NSUN2: variants seen among roughly 807,000 people sequenced by gnomAD.
NSUN2 encodes RNA cytosine C(5)-methyltransferase NSUN2.
A neutral mutation model predicts 92.7 loss-of-function variants in NSUN2; 63 were observed. The ratio of observed to expected loss-of-function variants is 0.68; its 90% CI spans 0.56 to 0.84. The LOEUF (loss-of-function observed/expected upper bound fraction) is 0.84. NSUN2 is among the 40% of genes least tolerant of loss of function. The pLI, the probability that NSUN2 is intolerant of heterozygous loss-of-function variation, is 0.00. For missense variants in NSUN2, 989 were observed against 964.9 expected (o/e 1.02, Z -0.33); for synonymous variants, 356 against 348.3 (o/e 1.02, Z -0.25).
chr5:6,613,311 T>C (rs1737077453), intron 9 of NSUN2, among the ~76,000 whole-genome samples: 3 of 152,190 alleles, frequency 2.0e-5, no homozygotes, highest in Admixed American at 2.0e-4. Flanking sequence ...AGAGGAAAAG[T>C]TGCAAAAAGC....
intron 9 of NSUN2, among the ~76,000 whole-genome samples, chr5:6,614,384 C>A (rs953806662): frequency 6.6e-6 from 1 of 152,146 alleles, no homozygotes; most frequent in African/African-American, 2.4e-5. Context: ...ATCCTGATCA[C>A]CAGCATTCCC....
chr5:6,629,262 C>T (rs1737773090), intron 3 of NSUN2, among the ~76,000 whole-genome samples: 1 of 152,200 alleles, frequency 6.6e-6, no homozygotes, highest in Non-Finnish European at 1.5e-5. Context: ...GTCATATACC[C>T]AGACACATTG....
At chr5:6,606,964 T>A (rs1170116641) in intron 13 of NSUN2, 52 bp from the exon 14 acceptor site, 4 of 1,141,338 alleles carry the variant, frequency 3.5e-6, no homozygotes, top group Non-Finnish European at 5.2e-6. Flanking sequence ...GTGGTAACCT[T>A]CAATACCAAA....
intron 6 of NSUN2, chr5:6,621,103 C>T (rs1004161505): frequency 6.6e-6 from 1 of 152,234 alleles, no homozygotes; most frequent in African/African-American, 2.4e-5. Flanking sequence ...AAAGATAGGA[C>T]GAGATGAAAG....
At chr5:6,625,407 A>G (rs911429629) in intron 4 of NSUN2, among the ~76,000 whole-genome samples, 157 bp downstream of exon 4, 2 of 152,328 alleles carry the variant, frequency 1.3e-5, no homozygotes, top group East Asian at 3.9e-4. Flanking sequence ...ATATACAAAT[A>G]ATCAGAAATC....
At chr5:6,622,374 A>G (rs930331005) in intron 5 of NSUN2, among the ~76,000 whole-genome samples, 2 of 152,224 alleles carry the variant, frequency 1.3e-5, no homozygotes. Context: ...TCATGAAAAC[A>G]TAATGCTAAG....
At chr5:6,628,092 A>G (rs1274800248) in intron 3 of NSUN2, among the ~76,000 whole-genome samples, 1 of 152,226 alleles carries the variant, frequency 6.6e-6, no homozygotes, top group African/African-American at 2.4e-5. Context: ...TCATGCCTGT[A>G]ACACCAGCAC....
chr5:6,613,738 T>TTAC (rs1737094405), intron 9 of NSUN2, among the ~76,000 whole-genome samples: 1 of 152,208 alleles, frequency 6.6e-6, no homozygotes. Context: ...CCTTGCTCCA[T>TTAC]TACCTTGTCA....
intron 3 of NSUN2, among the ~76,000 whole-genome samples, chr5:6,630,457 C>T (rs1737832403): frequency 6.6e-6 from 1 of 152,142 alleles, no homozygotes; most frequent in Non-Finnish European, 1.5e-5. Context: ...AGGCGTGTGC[C>T]ACCATGCCTG....
At chr5:6,632,306 T>A (rs1261136938) in intron 2 of NSUN2, among the ~76,000 whole-genome samples, 1 of 152,162 alleles carries the variant, frequency 6.6e-6, no homozygotes, top group Non-Finnish European at 1.5e-5. Context: ...GCATTCTCTA[T>A]AAATTCTCTT....
At chr5:6,602,808 C>CTTCAAAA (rs1197410152) in intron 17 of NSUN2, among the ~76,000 whole-genome samples, 1 of 152,184 alleles carries the variant, frequency 6.6e-6, no homozygotes, top group East Asian at 1.9e-4. Flanking sequence ...CTGGTTAATT[C>CTTCAAAA]TTCAAAATTC....
intron 15 of NSUN2, 91 bp from the exon 16 acceptor site, chr5:6,604,776 G>T: frequency 9.4e-7 from 1 of 1,058,890 alleles, no homozygotes; most frequent in Non-Finnish European, 1.4e-6. Context: ...AACCGTCACG[G>T]AATGGGAAAG....
At position 6,600,153 on chromosome 5, in the gene NSUN2, T is replaced by G; in HGVS notation, c.2077A>C (p.Asn693His). The G allele has an allele frequency of 1.2e-6, 2 of 1,614,228 alleles. No individual in the cohort carries two copies. Among genetic ancestry groups the G allele is most frequent in the Non-Finnish European group, 1.7e-6 (2 of 1,180,036 alleles). ...KASIRTFVPKNERLHYLRMMG... is the reference protein window; with the variant it reads ...KASIRTFVPKHERLHYLRMMG... ...ATCCTGAGATAATGAAGCCGTTCAT[T>G]CTTGGGCACAAAAGTTCGAATGGAG... The change falls in exon 19 of 19, where the codon AAT becomes CAT. Residue 693 changes from asparagine to histidine, a missense_variant. By Grantham distance (68) the Asn-to-His change is moderately conservative (BLOSUM62 1). Transcript: ENST00000264670.
intron 12 of NSUN2, among the ~76,000 whole-genome samples, chr5:6,608,858 T>C (rs1479864212): frequency 6.6e-6 from 1 of 152,256 alleles, no homozygotes; most frequent in African/African-American, 2.4e-5. Context: ...AAGTATCTAA[T>C]ACTTTACAAT....
intron 4 of NSUN2, 51 bp from the exon 5 acceptor site, chr5:6,623,336 C>T (rs1346984618): frequency 1.5e-6 from 2 of 1,324,604 alleles, no homozygotes; most frequent in South Asian, 2.6e-5. Flanking sequence ...AAAAAAACCG[C>T]AGACAATTTC....
At chr5:6,631,408 T>C (rs1214767256) in intron 3 of NSUN2, among the ~76,000 whole-genome samples, 9 of 152,192 alleles carry the variant, frequency 5.9e-5, no homozygotes, top group African/African-American at 1.4e-4. Context: ...AAATGCTACA[T>C]TGGCTGGTGC....
At chr5:6,632,555 C>T (rs759316714) in intron 2 of NSUN2, 44 bp downstream of exon 2, 2 of 1,603,916 alleles carry the variant, frequency 1.2e-6, no homozygotes, top group South Asian at 1.1e-5. Flanking sequence ...TAACCTCCAG[C>T]ATCCTGGCCC....
In NSUN2 at chr5:6,600,147, G is replaced by A. The variant is rs764639413; in HGVS notation, c.2083C>T (p.Arg695Trp). 12 of 1,614,076 alleles carry A rather than the reference G, an allele frequency of 7.4e-6. No individual in the cohort carries two copies. Among genetic ancestry groups the A allele is most frequent in the Admixed American group, 3.3e-5 (2 of 60,020 alleles). The change falls in exon 19 of 19, where the codon CGG (arginine) becomes TGG (tryptophan). Residue 695 changes from arginine (R) to tryptophan (W), a missense_variant. By Grantham distance (101) the Arg-to-Trp change is moderately radical (BLOSUM62 -3). This residue lies in a region of NSUN2 where 626 missense variants were observed against 602.3 expected (regional missense o/e 1.04). Transcript: ENST00000264670. ...CCCATCATCCTGAGATAATGAAGCCGTTCATTCTTGGGCACAAAAGTTCGA... is the reference window on the plus strand; with the variant it reads ...CCCATCATCCTGAGATAATGAAGCCATTCATTCTTGGGCACAAAAGTTCGA... ...SIRTFVPKNE[R>W]LHYLRMMGLE...
At chr5:6,616,271 G>C (rs1305549047) in intron 9 of NSUN2, among the ~76,000 whole-genome samples, 3 of 152,200 alleles carry the variant, frequency 2.0e-5, no homozygotes, top group East Asian at 3.8e-4. Flanking sequence ...TCAACAGATG[G>C]ATGGGTAAAC....
Sources: gnomAD v4.1 joint callset for allele counts (sites outside exome capture counted in the v4.1 genomes callset) on GRCh38, gnomAD v4.1.1 for gene constraint, gnomAD v4.1.1 regional missense constraint, MANE v1.5 for transcripts, NCBI Gene and HGNC (gene_info 2026-07-23, HGNC 2026-07-21) for gene names.